The following STXBP5L variants were observed in gnomAD, a reference collection of about 807,000 sequenced individuals.
STXBP5L encodes the protein syntaxin-binding protein 5-like.
Under a neutral mutation model 144.5 loss-of-function variants are expected in STXBP5L, and 65 were observed. The observed-to-expected ratio is 0.45, with a 90% CI of 0.37 to 0.55. STXBP5L has a LOEUF of 0.55. Ranked by LOEUF, STXBP5L falls within the 20% of genes least tolerant of loss-of-function variation. The pLI, the probability that STXBP5L is intolerant of heterozygous loss-of-function variation, is 0.00. For synonymous variants in STXBP5L, 505 were observed against 469.6 expected, an observed-to-expected ratio of 1.08 and a Z score of -0.97; for missense variants, 1,298 against 1,405.5, an observed-to-expected ratio of 0.92 and a Z score of 1.22.
At chr3:120,967,634 A>G (rs1191075055) in intron 3 of STXBP5L, among the ~76,000 whole-genome samples, 1 of 151,632 alleles carries the variant, frequency 6.6e-6, no homozygotes, top group East Asian at 1.9e-4. Flanking sequence ...CTTTCCTTCT[A>G]CTAATTTTGG....
intron 19 of STXBP5L, among the ~76,000 whole-genome samples, chr3:121,307,200 C>T (rs751262089): frequency 6.6e-6 from 1 of 152,156 alleles, no homozygotes; most frequent in Non-Finnish European, 1.5e-5. Flanking sequence ...AATCAGTCGT[C>T]AGTACCCAGA....
At chr3:120,979,085 C>G (rs1052403427) in intron 3 of STXBP5L, among the ~76,000 whole-genome samples, 1 of 152,216 alleles carries the variant, frequency 6.6e-6, no homozygotes, top group Non-Finnish European at 1.5e-5. Context: ...AGCTGTCAGA[C>G]AGGGACATTT....
intron 20 of STXBP5L, among the ~76,000 whole-genome samples, chr3:121,363,373 G>A (rs888359638): frequency 6.6e-6 from 1 of 152,146 alleles, no homozygotes; most frequent in Non-Finnish European, 1.5e-5. Flanking sequence ...AATTTATTTG[G>A]AGACACAGAG....
intron 24 of STXBP5L, 115 bp downstream of exon 24, chr3:121,413,438 CAT>C (rs2047164993): frequency 1.1e-6 from 1 of 903,230 alleles, no homozygotes; most frequent in Non-Finnish European, 1.6e-6. Flanking sequence ...CTTCCAATAA[CAT>C]GTTTTGAATA....
chr3:121,384,508 A>T (rs1473801642), intron 22 of STXBP5L, among the ~76,000 whole-genome samples: 1 of 152,044 alleles, frequency 6.6e-6, no homozygotes, highest in Admixed American at 6.6e-5. Flanking sequence ...TAGAAAAAAA[A>T]TTTTTTTGAA....
chr3:120,978,377 C>A (rs1941338495), intron 3 of STXBP5L, among the ~76,000 whole-genome samples: 1 of 152,180 alleles, frequency 6.6e-6, no homozygotes, highest in South Asian at 2.1e-4. Flanking sequence ...AGTTCTCAAG[C>A]CTTGGCTTTC....
intron 3 of STXBP5L, among the ~76,000 whole-genome samples, chr3:120,963,262 T>G (rs1302765781): frequency 6.6e-6 from 1 of 152,210 alleles, no homozygotes; most frequent in Non-Finnish European, 1.5e-5. Flanking sequence ...TTGAATGCCC[T>G]TTATTTCTTT....
At chr3:121,337,573 G>T (rs2044554110) in intron 20 of STXBP5L, among the ~76,000 whole-genome samples, 1 of 151,258 alleles carries the variant, frequency 6.6e-6, no homozygotes, top group South Asian at 2.1e-4. Context: ...ATTACTACCA[G>T]ACCTAAGAAA....
chr3:121,092,791 A>G (rs1215687004), intron 5 of STXBP5L, among the ~76,000 whole-genome samples: 1 of 152,198 alleles, frequency 6.6e-6, no homozygotes, highest in African/African-American at 2.4e-5. Context: ...TGCCCTGGCC[A>G]GAACTTCCAA....
chr3:121,283,681 C>G (rs1211062844), intron 19 of STXBP5L, among the ~76,000 whole-genome samples: 1 of 151,990 alleles, frequency 6.6e-6, no homozygotes, highest in Non-Finnish European at 1.5e-5. Context: ...TATATGCCCA[C>G]AAGGCCTAAA....
chr3:121,408,012 T>G (rs1033875883), intron 23 of STXBP5L, among the ~76,000 whole-genome samples: 1 of 152,026 alleles, frequency 6.6e-6, no homozygotes, highest in Admixed American at 6.6e-5. Flanking sequence ...CCAAGAAATT[T>G]ACATACAGAG....
chr3:121,337,229 T>A (rs2044539042), intron 20 of STXBP5L, among the ~76,000 whole-genome samples: 1 of 152,184 alleles, frequency 6.6e-6, no homozygotes, highest in South Asian at 2.1e-4. Context: ...AATCAGCACA[T>A]ATACACCTGA....
intron 2 of STXBP5L, among the ~76,000 whole-genome samples, chr3:120,911,283 A>G (rs1046762798): frequency 2.0e-5 from 3 of 152,144 alleles, no homozygotes; most frequent in Admixed American, 1.3e-4. Context: ...TGGAATACAT[A>G]GTTATCTTCC....
intron 9 of STXBP5L, among the ~76,000 whole-genome samples, chr3:121,161,866 C>A (rs2108020919): frequency 6.6e-6 from 1 of 152,082 alleles, no homozygotes; most frequent in South Asian, 2.1e-4. Flanking sequence ...TCCACAATTA[C>A]CGCTTTTATT....
At chr3:121,004,360 T>G (rs1164379683) in intron 3 of STXBP5L, among the ~76,000 whole-genome samples, 2 of 152,106 alleles carry the variant, frequency 1.3e-5, no homozygotes, top group Non-Finnish European at 2.9e-5. Context: ...TTGTCTGTTA[T>G]TGGTGTATAA....
At chr3:121,250,475 T>C (rs339000) in intron 14 of STXBP5L, among the ~76,000 whole-genome samples, 119,580 of 151,934 alleles carry the variant, frequency 0.79, 47,289 homozygotes, top group East Asian at 0.93. Flanking sequence ...CTCCATTACA[T>C]ATATAACCTT....
rs560992031 is a variant in STXBP5L, at chr3:121,231,126, G to A, written c.1112-2490G>A. ...CACTCCCATTTCCAATGGTCCTCTTGTTTATAATATGCACATTGTGGCCTC... is the reference window on the plus strand; with the variant it reads ...CACTCCCATTTCCAATGGTCCTCTTATTTATAATATGCACATTGTGGCCTC... On this transcript the variant is annotated intron_variant, in intron 11 of 26. Transcript: ENST00000471454. Among the ~76,000 whole-genome samples, 10 of 152,248 alleles carry A rather than the reference G, an allele frequency of 6.6e-5. No individual in the cohort carries two copies. In the Middle Eastern group the frequency reaches 0.01, roughly 155 times the overall value.
At chr3:120,968,354 G>T (rs1416218181) in intron 3 of STXBP5L, among the ~76,000 whole-genome samples, 1 of 152,002 alleles carries the variant, frequency 6.6e-6, no homozygotes, top group Non-Finnish European at 1.5e-5. Flanking sequence ...ATCATATAAT[G>T]ACCTTCTGTA....
chr3:121,053,646 C>T (rs1268141534), intron 5 of STXBP5L, among the ~76,000 whole-genome samples: 1 of 152,092 alleles, frequency 6.6e-6, no homozygotes, highest in Non-Finnish European at 1.5e-5. Flanking sequence ...TAGAAGAAAA[C>T]CTAGGCAATA....
Sources: allele counts gnomAD v4.1 joint callset (sites outside exome capture counted in the v4.1 genomes callset), GRCh38; gene constraint gnomAD v4.1.1; transcripts MANE v1.5; gene names NCBI Gene and HGNC (gene_info 2026-07-23, HGNC 2026-07-21).